Variants in KCNQ1 observed in about 807,000 individuals in gnomAD.
KCNQ1 encodes potassium voltage-gated channel subfamily Q member 1.
In KCNQ1, 49 loss-of-function variants were observed where a neutral mutation model predicts 72.4. The observed-to-expected ratio is 0.68, with a 90% CI of 0.54 to 0.86. The LOEUF (loss-of-function observed/expected upper bound fraction) is 0.86. Ranked by LOEUF, KCNQ1 falls within the 40% of genes least tolerant of loss-of-function variation. The pLI, the probability that KCNQ1 is intolerant of heterozygous loss-of-function variation, is 0.00. For synonymous variants in KCNQ1, 450 were observed against 412.6 expected (o/e 1.09, Z -1.10); for missense variants, 790 against 945.1 (o/e 0.84, Z 2.15).
At chr11:2,643,622 G>A (rs1276363921) in intron 10 of KCNQ1, 2 of 398,312 alleles carry the variant, frequency 5.0e-6, no homozygotes, top group African/African-American at 2.1e-5. Context: ...TGTCTTTTAA[G>A]TAGAAAGTTT....
At chr11:2,696,853 G>C in intron 11 of KCNQ1, 1 of 398,386 alleles carries the variant, frequency 2.5e-6, no homozygotes, top group Non-Finnish European at 4.4e-6. Flanking sequence ...TTTTTAGTCA[G>C]TTGCTATTGG....
chr11:2,591,575 C>T (rs1848670726), intron 10 of KCNQ1, among the ~76,000 whole-genome samples: 1 of 152,240 alleles, frequency 6.6e-6, no homozygotes, highest in African/African-American at 2.4e-5. Context: ...TGGCCGGGGG[C>T]TGGGGACCCA....
chr11:2,741,575 A>C (rs1191552156), intron 11 of KCNQ1, among the ~76,000 whole-genome samples: 5 of 151,994 alleles, frequency 3.3e-5, no homozygotes, highest in African/African-American at 1.2e-4. Context: ...CCCTCTTCCA[A>C]CCCAGGCCTG....
rs922957501 is a variant in KCNQ1, at chr11:2,543,149, C to G, written c.477+15131C>G. Among the ~76,000 whole-genome samples, 1 of 152,190 alleles carries G rather than the reference C, an allele frequency of 6.6e-6. No individual in the cohort carries two copies. The highest frequency in any genetic ancestry group is 1.5e-5 in the Non-Finnish European group (1 of 68,042). Reference sequence around the variant, plus strand: ...GTGACATATCTTTTTAAATGTTTCACCCATTGTAAAATTGGGCTGTTTGTC... The same window carrying G: ...GTGACATATCTTTTTAAATGTTTCAGCCATTGTAAAATTGGGCTGTTTGTC... On this transcript the variant is annotated intron_variant, in intron 2 of 15. Coordinates refer to ENST00000155840, the MANE Select transcript of KCNQ1 (RefSeq NM_000218.3). The surrounding 1 kb of genome is among the most constrained non-coding windows in gnomAD (Gnocchi z 5.6).
chr11:2,626,894 T>C lies in KCNQ1; in HGVS notation c.1394-35067T>C. On this transcript the variant is annotated intron_variant, in intron 10 of 15. Coordinates refer to ENST00000155840, the MANE Select transcript of KCNQ1 (RefSeq NM_000218.3). This position sits in a 1 kb window ranked among gnomAD's most constrained non-coding sequence, Gnocchi z 4.0. ...TTGTTCATCATTTTCAAGAATGTTT[T>C]AGCTATTCAAGGTCCCTTGAGATTC... 2.5e-6 allele frequency: 1 copy of C among 398,612 alleles called. No homozygotes were observed. The highest frequency in any genetic ancestry group is 4.4e-6 in the Non-Finnish European group (1 of 226,058). The allele number at this position is 398,612 out of a possible 1,614,324, so 24.7% of individuals were successfully genotyped here. A position where few individuals can be genotyped will look rare whatever the true frequency, so the allele number is the denominator to read the frequency against.
chr11:2,640,730 A>T, intron 10 of KCNQ1: 1 of 398,500 alleles, frequency 2.5e-6, no homozygotes, highest in Non-Finnish European at 4.4e-6. Context: ...TATACATTAT[A>T]TTGTTAAATA....
Position 2,626,005 on chromosome 11 carries a change from G to A in KCNQ1, c.1394-35956G>A. 1 of 398,620 alleles carries A rather than the reference G, an allele frequency of 2.5e-6. No homozygotes were observed. The highest frequency in any genetic ancestry group is 4.4e-6 in the Non-Finnish European group (1 of 226,058). 24.7% of individuals were successfully genotyped at this position (398,620 alleles called of 1,614,324 possible). A position where few individuals can be genotyped will look rare whatever the true frequency, so the allele number is the denominator to read the frequency against. ...ATTCTGTAGGTTGTCTTATTGCTTA[G>A]TTGATATTATTTTAATGCACACAAT... On this transcript the variant is annotated intron_variant, in intron 10 of 15. Transcript: ENST00000155840. This position sits in a 1 kb window ranked among gnomAD's most constrained non-coding sequence, Gnocchi z 4.0.
At position 2,488,727 on chromosome 11, in the gene KCNQ1, C is replaced by T. The variant is rs1846782801; in HGVS notation, c.387-39201C>T. 6.6e-6 allele frequency among the ~76,000 whole-genome samples: 1 copy of T among 152,138 alleles called. No homozygotes were observed. The highest frequency in any genetic ancestry group is 1.5e-5 in the Non-Finnish European group (1 of 68,008). On this transcript the variant is annotated intron_variant, in intron 1 of 15. Transcript: ENST00000155840. The surrounding 1 kb of genome is among the most constrained non-coding windows in gnomAD (Gnocchi z 5.1). ...TATTTTCACTTCTGATTTCAGTAGT[C>T]TTCTCTCTTTTTTACTTAGTCCATC... is the stretch of plus-strand genomic sequence containing the variant.
At position 2,537,761 on chromosome 11, in the gene KCNQ1, C is replaced by T. The variant is rs1847757443; in HGVS notation, c.477+9743C>T. Among the ~76,000 whole-genome samples, 1 of 151,948 alleles carries T rather than the reference C, an allele frequency of 6.6e-6. No individual in the cohort carries two copies. The highest frequency in any genetic ancestry group is 1.5e-5 in the Non-Finnish European group (1 of 68,004). On this transcript the variant is annotated intron_variant, in intron 2 of 15. Coordinates refer to ENST00000155840, the MANE Select transcript of KCNQ1 (RefSeq NM_000218.3). The surrounding 1 kb of genome is among the most constrained non-coding windows in gnomAD (Gnocchi z 5.2). ...AGAGAGAGGGTCTTGCTGTGTTGCC[C>T]AGGTTGGAGAGTAGTGGCATACTCA...
chr11:2,736,737 G>A (rs1040601657), intron 11 of KCNQ1, among the ~76,000 whole-genome samples: 7 of 152,206 alleles, frequency 4.6e-5, no homozygotes, highest in Admixed American at 3.3e-4. Context: ...TTTCACCTGC[G>A]CATCTGCAGC....
In KCNQ1 at chr11:2,473,850, G is replaced by A. The variant is rs1187045814; in HGVS notation, c.386+28366G>A. 2.6e-5 allele frequency among the ~76,000 whole-genome samples: 4 copies of A among 152,238 alleles called. No individual in the cohort carries two copies. The highest frequency in any genetic ancestry group is 4.8e-5 in the African/African-American group (2 of 41,466). ...AGTGGCACCAGCTGGGCAGACAGCC[G>A]CATGCGCTCACCACTCGCCCTCCAC... On this transcript the variant is annotated intron_variant, in intron 1 of 15. Transcript: ENST00000155840. This position sits in a 1 kb window ranked among gnomAD's most constrained non-coding sequence, Gnocchi z 6.0.
chr11:2,545,083 T>C (rs1478641795), intron 2 of KCNQ1, among the ~76,000 whole-genome samples: 1 of 152,246 alleles, frequency 6.6e-6, no homozygotes, highest in Non-Finnish European at 1.5e-5. Context: ...TCTCTTAATA[T>C]GATAATTACA....
chr11:2,505,940 G>A lies in KCNQ1; in HGVS notation c.387-21988G>A, dbSNP rs544758687. ...CATGTTTATCTATTCTGCCACTGCC[G>A]ATATCACCTTTTGATATACAGACTT... On this transcript the variant is annotated intron_variant, in intron 1 of 15. Transcript: ENST00000155840. Among the ~76,000 whole-genome samples, 13 of 152,232 alleles carry A rather than the reference G, an allele frequency of 8.5e-5. No individual in the cohort carries two copies. In the East Asian group the frequency reaches 1.2e-3, roughly 14 times the overall value.
intron 7 of KCNQ1, among the ~76,000 whole-genome samples, chr11:2,584,580 TGTGTGTTTGTGGGTTA>T (rs1848563325): frequency 6.6e-6 from 1 of 151,966 alleles, no homozygotes; most frequent in East Asian, 1.9e-4. Flanking sequence ...TTAGTGTTTG[TGTGTGTTTGTGGGTTA>T]GTGTGTGTTA....
rs931745100 is a variant in KCNQ1 at position 2,559,265 on chromosome 11, C to G, written c.478-11363C>G. Among the ~76,000 whole-genome samples, 1 of 152,168 alleles carries G rather than the reference C, an allele frequency of 6.6e-6. No individual in the cohort carries two copies. The highest frequency in any genetic ancestry group is 1.9e-4 in the East Asian group (1 of 5,174). On this transcript the variant is annotated intron_variant, in intron 2 of 15. Coordinates refer to ENST00000155840, the MANE Select transcript of KCNQ1 (RefSeq NM_000218.3). The surrounding 1 kb of genome is among the most constrained non-coding windows in gnomAD (Gnocchi z 4.9). ...TTCGACACCCAAGGCCTTATGGAAT[C>G]AGTCCTGGGGCCTGGAGGGTCGTAG...
At chr11:2,806,358 T>G (rs1190682797) in intron 15 of KCNQ1, among the ~76,000 whole-genome samples, 1 of 152,184 alleles carries the variant, frequency 6.6e-6, no homozygotes, top group Non-Finnish European at 1.5e-5. Flanking sequence ...ACTTCCCTGC[T>G]GAGGACGCTA....
rs925162971 is a variant in KCNQ1 at position 2,669,815 on chromosome 11, G to A, written c.1514+7734G>A. On this transcript the variant is annotated intron_variant, in intron 11 of 15. Transcript: ENST00000155840. This position sits in a 1 kb window ranked among gnomAD's most constrained non-coding sequence, Gnocchi z 5.6. ...CCTTATTTGGCCTGAGAGCTTTTGA[G>A]ACTGCCAGGTCATGAGTTACCATGG... 2 of 398,512 alleles carry A rather than the reference G, an allele frequency of 5.0e-6. No homozygotes were observed. The highest frequency in any genetic ancestry group is 4.4e-5 in the Admixed American group (1 of 22,712). 24.7% of individuals were successfully genotyped at this position (398,512 alleles called of 1,614,324 possible).
intron 2 of KCNQ1, among the ~76,000 whole-genome samples, chr11:2,546,314 T>G (rs1847902004): frequency 6.6e-6 from 1 of 152,246 alleles, no homozygotes; most frequent in African/African-American, 2.4e-5. Context: ...TAATATAATT[T>G]GGTCTCTTAA....
chr11:2,496,495 C>CTTTTTTTTTTTTTTTTT lies in KCNQ1; in HGVS notation c.387-31424_387-31408dup. Among the ~76,000 whole-genome samples the CTTTTTTTTTTTTTTTTT allele has an allele frequency of 4.1e-3, 123 of 29,846 alleles. 23 individuals are homozygous for CTTTTTTTTTTTTTTTTT. The highest frequency in any genetic ancestry group is 7.9e-3 in the South Asian group (3 of 378). 19.6% of individuals were successfully genotyped at this position (29,846 alleles called of 152,430 possible). On this transcript the variant is annotated intron_variant, in intron 1 of 15. Transcript: ENST00000155840. Reference sequence around the variant, plus strand: ...AAAATGGCTAGGATCACAACCCCTGCTTTTTTTTTTTTTTTTTTTTTTTTT... The same window carrying CTTTTTTTTTTTTTTTTT: ...AAAATGGCTAGGATCACAACCCCTGCTTTTTTTTTTTTTTTTTTTTTTTTTTTTTTTTTTTTTTTTTT...
Sources: gnomAD v4.1 joint callset for allele counts (sites outside exome capture counted in the v4.1 genomes callset) on GRCh38, gnomAD v4.1.1 for gene constraint, Gnocchi (gnomAD v3.1) non-coding constraint, MANE v1.5 for transcripts, NCBI Gene and HGNC (gene_info 2026-07-23, HGNC 2026-07-21) for gene names.